Variants in DSCAM observed in about 807,000 individuals in gnomAD.
DSCAM encodes cell adhesion molecule DSCAM.
Under a neutral mutation model 217.7 loss-of-function variants are expected in DSCAM, and 47 were observed. The observed-to-expected ratio is 0.22, with a 90% confidence interval of 0.17 to 0.28. The LOEUF (loss-of-function observed/expected upper bound fraction) is 0.28. DSCAM is among the 10% of genes least tolerant of loss of function. The pLI, the probability that DSCAM is intolerant of heterozygous loss-of-function variation, is 1.00. For missense variants in DSCAM, 2,080 were observed against 2,618.3 expected, an observed-to-expected ratio of 0.79 and a Z score of 4.49; for synonymous variants, 1,056 against 1,015.3, an observed-to-expected ratio of 1.04 and a Z score of -0.76.
At chr21:40,725,272 GC>G (rs1408509137) in intron 1 of DSCAM, among the ~76,000 whole-genome samples, 1 of 152,138 alleles carries the variant, frequency 6.6e-6, no homozygotes, top group Non-Finnish European at 1.5e-5. Context: ...AGCTTCTGTG[GC>G]AGGATGAGGA....
chr21:40,225,936 A>G (rs767092297), intron 11 of DSCAM, among the ~76,000 whole-genome samples: 4 of 152,222 alleles, frequency 2.6e-5, no homozygotes, highest in African/African-American at 9.6e-5. Context: ...ATATTTTCAC[A>G]CTGAAAGGCA....
intron 3 of DSCAM, among the ~76,000 whole-genome samples, chr21:40,653,907 C>A (rs1420648146): frequency 1.3e-5 from 2 of 151,946 alleles, no homozygotes; most frequent in African/African-American, 2.4e-5. Context: ...CCAGCCTGGG[C>A]AACATGGTGA....
At chr21:40,042,841 T>C (rs1042263375) in intron 31 of DSCAM, among the ~76,000 whole-genome samples, 168 bp from the exon 32 acceptor site, 1 of 152,234 alleles carries the variant, frequency 6.6e-6, no homozygotes, top group Non-Finnish European at 1.5e-5. Context: ...TGAGGCCAGC[T>C]TCACAAGTCT....
chr21:40,506,591 C>T (rs1433801031), intron 3 of DSCAM, among the ~76,000 whole-genome samples: 1 of 152,186 alleles, frequency 6.6e-6, no homozygotes, highest in Non-Finnish European at 1.5e-5. Context: ...TTTCCAACAC[C>T]ACACTGTCGA....
chr21:40,347,524 C>G, intron 6 of DSCAM, 146 bp downstream of exon 6: 1 of 1,094,348 alleles, frequency 9.1e-7, no homozygotes, highest in Non-Finnish European at 1.3e-6. Flanking sequence ...CCTGATTTAG[C>G]TTGAAAAATT....
chr21:40,494,826 T>G (rs541081932), intron 3 of DSCAM, among the ~76,000 whole-genome samples: 24 of 121,238 alleles, frequency 2.0e-4, no homozygotes, highest in East Asian at 1.9e-3. Context: ...AAAGTTGGGT[T>G]TTTTTTTTTC....
chr21:40,639,461 C>T (rs1405591975), intron 3 of DSCAM, among the ~76,000 whole-genome samples: 1 of 152,078 alleles, frequency 6.6e-6, no homozygotes, highest in African/African-American at 2.4e-5. Context: ...TTTGTGCGCT[C>T]ATGTTTGTAG....
At chr21:40,195,477 T>A (rs2837489) in intron 11 of DSCAM, among the ~76,000 whole-genome samples, 73,081 of 151,996 alleles carry the variant, frequency 0.48, 18,335 homozygotes, top group African/African-American at 0.62. Flanking sequence ...GGGTGTCAAA[T>A]GCCCAAATAC....
intron 3 of DSCAM, among the ~76,000 whole-genome samples, chr21:40,516,147 A>G (rs1010339058): frequency 1.3e-4 from 20 of 152,084 alleles, no homozygotes; most frequent in South Asian, 2.1e-4. Flanking sequence ...CAAATCTTTC[A>G]AAAGAAAACC....
intron 3 of DSCAM, among the ~76,000 whole-genome samples, chr21:40,633,315 T>C (rs1186765183): frequency 6.6e-6 from 1 of 152,070 alleles, no homozygotes; most frequent in Non-Finnish European, 1.5e-5. Context: ...GCGGTGGTCC[T>C]GAGAGGAAGG....
chr21:40,237,604 A>C (rs2073096669), intron 11 of DSCAM, among the ~76,000 whole-genome samples: 4 of 152,094 alleles, frequency 2.6e-5, no homozygotes, highest in Admixed American at 6.5e-5. Flanking sequence ...TTTCTTTATC[A>C]AGTCTATTAC....
At chr21:40,096,168 A>G (rs2089673506) in intron 20 of DSCAM, among the ~76,000 whole-genome samples, 1 of 152,108 alleles carries the variant, frequency 6.6e-6, no homozygotes, top group Non-Finnish European at 1.5e-5. Flanking sequence ...AACTCAAAAG[A>G]ATGTAACCAT....
intron 3 of DSCAM, among the ~76,000 whole-genome samples, chr21:40,554,466 CCTTCA>C (rs2076655504): frequency 6.6e-6 from 1 of 152,102 alleles, no homozygotes; most frequent in African/African-American, 2.4e-5. Context: ...CCCCTCAAGT[CCTTCA>C]CCTTGTGGAC....
At chr21:40,578,602 C>A (rs1601760529) in intron 3 of DSCAM, among the ~76,000 whole-genome samples, 2 of 152,276 alleles carry the variant, frequency 1.3e-5, no homozygotes, top group East Asian at 1.9e-4. Context: ...AGCGTGGGAC[C>A]CCTTTTGCAC....
At chr21:40,688,008 C>A (rs2090500407) in intron 3 of DSCAM, among the ~76,000 whole-genome samples, 1 of 152,124 alleles carries the variant, frequency 6.6e-6, no homozygotes, top group Admixed American at 6.5e-5. Context: ...GAAAATTGTT[C>A]ACGTTTAGCC....
chr21:40,114,783 C>T (rs1396324668), intron 20 of DSCAM, among the ~76,000 whole-genome samples: 1 of 152,200 alleles, frequency 6.6e-6, no homozygotes, highest in Non-Finnish European at 1.5e-5. Context: ...CAAAAGAAGA[C>T]ATTTATGCAG....
intron 3 of DSCAM, among the ~76,000 whole-genome samples, chr21:40,621,935 AG>A (rs2089523746): frequency 7.6e-5 from 2 of 26,210 alleles, no homozygotes; most frequent in Non-Finnish European, 1.8e-4. Context: ...AAGGAAAGGA[AG>A]GAAGAAAAAA....
At chr21:40,793,484 G>A (rs1313692763) in intron 1 of DSCAM, among the ~76,000 whole-genome samples, 1 of 152,082 alleles carries the variant, frequency 6.6e-6, no homozygotes, top group Admixed American at 6.6e-5. Context: ...TTGTTCTGGT[G>A]TTTTATTTTA....
chr21:40,712,440 G>A (rs956979522), intron 1 of DSCAM, among the ~76,000 whole-genome samples: 18 of 120,608 alleles, frequency 1.5e-4, no homozygotes, highest in South Asian at 2.5e-4. Flanking sequence ...TCCGCAGTCC[G>A]ACCTGGGCGA....
Sources: gnomAD v4.1 joint callset for allele counts (sites outside exome capture counted in the v4.1 genomes callset) on GRCh38, gnomAD v4.1.1 for gene constraint, MANE v1.5 for transcripts, NCBI Gene and HGNC (gene_info 2026-07-23, HGNC 2026-07-21) for gene names.